Variants in NGEF observed in about 807,000 individuals in gnomAD.
The protein encoded by NGEF is ephexin-1.
NGEF carries 31 observed loss-of-function variants against 80.9 expected under a neutral mutation model. That is an observed-to-expected ratio of 0.38 (90% CI 0.29 to 0.52). The LOEUF (loss-of-function observed/expected upper bound fraction) is 0.52, where lower values mean the gene tolerates loss of function less well. NGEF is among the 20% of genes least tolerant of loss of function. The pLI is 0.84. For synonymous variants in NGEF, 371 were observed against 370.2 expected, an observed-to-expected ratio of 1.00 and a Z score of -0.03; for missense variants, 709 against 926.2, an observed-to-expected ratio of 0.77 and a Z score of 3.04.
chr2:232,978,525 C>CA (rs1255262794), intron 1 of NGEF, among the ~76,000 whole-genome samples: 1 of 152,038 alleles, frequency 6.6e-6, no homozygotes, highest in Non-Finnish European at 1.5e-5. Flanking sequence ...AAAAACAAGA[C>CA]AAAACGAAAC....
chr2:232,902,988 T>C (rs1050152676), intron 5 of NGEF, among the ~76,000 whole-genome samples: 10 of 129,896 alleles, frequency 7.7e-5, no homozygotes, highest in African/African-American at 2.9e-4. Context: ...AGTGAGACTG[T>C]CTTAAAACAA....
chr2:232,938,994 A>G (rs1468994269), intron 3 of NGEF, among the ~76,000 whole-genome samples: 3 of 151,966 alleles, frequency 2.0e-5, no homozygotes, highest in African/African-American at 7.3e-5. Flanking sequence ...CCTGGCCAAC[A>G]TGGTGAAACT....
rs762315072 is a variant in NGEF at position 232,970,271 on chromosome 2, C to A, written c.326G>T (p.Ser109Ile). ...TGCTGTTCTGCAAGGAGGCATTCTGCTCCAGGGGATATTCAAGGTCAGGGG... is the reference window on the plus strand; with the variant it reads ...TGCTGTTCTGCAAGGAGGCATTCTGATCCAGGGGATATTCAAGGTCAGGGG... ...NEPLTLNIPW[S>I]RMPPCRTAMQ... The change falls in exon 3 of 15, where the codon AGC (serine) becomes ATC (isoleucine). Residue 109 changes from serine (S) to isoleucine (I), a missense_variant. Physicochemically the swap from Ser to Ile is moderately radical, Grantham distance 142. This residue lies in a region of NGEF where 283 missense variants were observed against 303.4 expected (regional missense o/e 0.93). Transcript: ENST00000264051. 6.2e-7 allele frequency: 1 copy of A among 1,606,696 alleles called. No homozygotes were observed. The highest frequency in any genetic ancestry group is 8.5e-7 in the Non-Finnish European group (1 of 1,177,702).
At chr2:232,886,189 G>A (rs949225414) in intron 9 of NGEF, among the ~76,000 whole-genome samples, 3 of 152,092 alleles carry the variant, frequency 2.0e-5, no homozygotes, top group East Asian at 3.9e-4. Flanking sequence ...TATGTGCCAT[G>A]TGTGCTGTGT....
chr2:232,931,542 G>A (rs79984888), intron 3 of NGEF, among the ~76,000 whole-genome samples: 9,166 of 152,274 alleles, frequency 0.06, 326 homozygotes, highest in East Asian at 0.17. Flanking sequence ...CAGCCTTTCC[G>A]TATTACAAGC....
intron 3 of NGEF, among the ~76,000 whole-genome samples, chr2:232,937,566 C>T (rs1693353086): frequency 6.6e-6 from 1 of 152,190 alleles, no homozygotes; most frequent in Non-Finnish European, 1.5e-5. Context: ...GGTTTCTCCT[C>T]CCAGTGAACC....
chr2:232,907,967 A>G (rs2106263539), intron 5 of NGEF, among the ~76,000 whole-genome samples: 1 of 152,144 alleles, frequency 6.6e-6, no homozygotes, highest in South Asian at 2.1e-4. Flanking sequence ...AAAATTAGCC[A>G]GGTGTTGTGG....
At chr2:232,975,677 AG>A (rs1694277433) in intron 1 of NGEF, among the ~76,000 whole-genome samples, 1 of 152,016 alleles carries the variant, frequency 6.6e-6, no homozygotes, top group Admixed American at 6.5e-5. Flanking sequence ...AAGACCTCCT[AG>A]GGTAGGGGTG....
chr2:232,894,798 A>G lies in NGEF; in HGVS notation c.947T>C (p.Ile316Thr), dbSNP rs1260420088. The change falls in exon 6 of 15, where the codon ATC (isoleucine) becomes ACC (threonine). Residue 316 changes from isoleucine to threonine, a missense_variant. Around this residue, in one of 2 missense-constraint regions of NGEF, gnomAD observed 426 missense variants for 622.9 expected, o/e 0.68. Transcript: ENST00000264051. ...RKILHPSEAH[I>T]LFSNVLDVLA... Reference sequence around the variant, plus strand: ...CACGTCCAGGACGTTGGAGAAGAGGATGTGCGCCTCGGACGGGTGCAGGAT... The same window carrying G: ...CACGTCCAGGACGTTGGAGAAGAGGGTGTGCGCCTCGGACGGGTGCAGGAT... The G allele has an allele frequency of 1.2e-6, 2 of 1,610,650 alleles. No homozygotes were observed. The highest frequency in any genetic ancestry group is 2.7e-5 in the African/African-American group (2 of 75,016).
At chr2:232,882,693 G>A (rs1021093278) in intron 12 of NGEF, among the ~76,000 whole-genome samples, 3 of 152,214 alleles carry the variant, frequency 2.0e-5, no homozygotes, top group Non-Finnish European at 2.9e-5. Context: ...TGAGTTGTGG[G>A]TAAGGGGCAG....
chr2:232,927,941 G>A (rs566956183), intron 3 of NGEF: 27 of 1,347,304 alleles, frequency 2.0e-5, no homozygotes, highest in Non-Finnish European at 2.5e-5. Context: ...GCTTTCCGAG[G>A]TGGAACTGTC....
intron 7 of NGEF, among the ~76,000 whole-genome samples, chr2:232,891,961 AGCAGGGATGGCAGGGACG>A (rs60231512): frequency 0.71 from 106,996 of 151,504 alleles, 37,765 homozygotes; most frequent in East Asian, 0.76. Context: ...CATGCATGTC[AGCAGGGATGGCAGGGACG>A]GCAGGGACAG....
At position 232,985,938 on chromosome 2, in the gene NGEF, CAA is replaced by C. The variant is rs397873909; in HGVS notation, c.-74-10976_-74-10975del. On this transcript the variant is annotated intron_variant, in intron 1 of 14. Coordinates refer to ENST00000264051, the MANE Select transcript of NGEF (RefSeq NM_019850.3). ...TGGGCAACAAGAGTGAGACTCCGTCCAAAAAAAAAAAAGAAAAAAGAAAAAAA... is the reference window on the plus strand; with the variant it reads ...TGGGCAACAAGAGTGAGACTCCGTCCAAAAAAAAAAGAAAAAAGAAAAAAA... Among the ~76,000 whole-genome samples the C allele has an allele frequency of 1.1e-3, 130 of 116,622 alleles. 1 individual carries two copies. The highest frequency in any genetic ancestry group is 6.3e-4 in the Non-Finnish European group (36 of 56,726). 76.5% of individuals were successfully genotyped at this position (116,622 alleles called of 152,430 possible). A position where few individuals can be genotyped will look rare whatever the true frequency, so the allele number is the denominator to read the frequency against.
At chr2:232,952,281 A>T (rs1054077396) in intron 3 of NGEF, among the ~76,000 whole-genome samples, 9 of 152,252 alleles carry the variant, frequency 5.9e-5, no homozygotes, top group Non-Finnish European at 1.3e-4. Flanking sequence ...TGTAGAGGAA[A>T]TTCAGACTCC....
In NGEF at chr2:232,993,219, G is replaced by A. The variant is rs1415704231; in HGVS notation, c.-74-18255C>T. Among the ~76,000 whole-genome samples, 36 of 34,656 alleles carry A rather than the reference G, an allele frequency of 1.0e-3. No individual in the cohort carries two copies. The East Asian group carries it at 0.069, about 67-fold the overall frequency. 22.7% of individuals were successfully genotyped at this position (34,656 alleles called of 152,430 possible). ...ATTTATATATATATTTGCCCGTATA[G>A]ATACACACATATATATGTATATTTT... On this transcript the variant is annotated intron_variant, in intron 1 of 14. Transcript: ENST00000264051.
chr2:233,006,282 A>G (rs185583557), intron 1 of NGEF, among the ~76,000 whole-genome samples: 2 of 152,294 alleles, frequency 1.3e-5, no homozygotes, highest in Admixed American at 6.5e-5. Context: ...AAAAAATTGG[A>G]GCATCAGGGT....
chr2:232,920,433 GCTC>G lies in NGEF; in HGVS notation c.676_678del (p.Glu226del), dbSNP rs571348475. ...GTCTTCCTCTCTGGTGGGCTGGCCG[GCTC>G]CTCCTCCTCCTCCTCTTCTTCTTCC... is the stretch of plus-strand genomic sequence containing the variant. On this transcript the variant is annotated inframe_deletion, in exon 5 of 15. Coordinates refer to ENST00000264051, the MANE Select transcript of NGEF (RefSeq NM_019850.3). The G allele has an allele frequency of 1.8e-5, 29 of 1,612,830 alleles. No homozygotes were observed. Among genetic ancestry groups the G allele is most frequent in the East Asian group, 6.7e-5 (3 of 44,842 alleles).
intron 1 of NGEF, among the ~76,000 whole-genome samples, chr2:232,996,014 A>T (rs1694837838): frequency 6.6e-6 from 1 of 151,982 alleles, no homozygotes; most frequent in Admixed American, 6.6e-5. Context: ...TTTGTATTAC[A>T]AAGACTCTAG....
At chr2:232,970,042 G>GTT (rs1386503342) in intron 3 of NGEF, 172 bp downstream of exon 3, 84 of 399,392 alleles carry the variant, frequency 2.1e-4, no homozygotes, top group African/African-American at 1.7e-3. Flanking sequence ...CAAAACAAAA[G>GTT]TTTTTTTTAA....
Sources: allele counts gnomAD v4.1 joint callset (sites outside exome capture counted in the v4.1 genomes callset), GRCh38; gene constraint gnomAD v4.1.1; regional missense constraint gnomAD v4.1.1; transcripts MANE v1.5; gene names NCBI Gene and HGNC (gene_info 2026-07-23, HGNC 2026-07-21).